The following TMEM150C variants were observed in gnomAD, a reference collection of about 807,000 sequenced individuals.
TMEM150C encodes tentonin 3.
A neutral mutation model predicts 29.9 loss-of-function variants in TMEM150C; 10 were observed. The observed-to-expected ratio is 0.33, with a 90% CI of 0.21 to 0.57. TMEM150C has a LOEUF of 0.57. TMEM150C is among the 20% of genes least tolerant of loss of function. The pLI, the probability that TMEM150C is intolerant of heterozygous loss-of-function variation, is 0.88. For missense variants in TMEM150C, 251 were observed against 303.6 expected (o/e 0.83, Z 1.29); for synonymous variants, 101 against 112.5 (o/e 0.90, Z 0.64).
chr4:82,491,749 G>A (rs1018138473), intron 6 of TMEM150C: 14 of 338,362 alleles, frequency 4.1e-5, no homozygotes, highest in Non-Finnish European at 6.9e-5. Flanking sequence ...TAATCCTCCC[G>A]CCTCGGCCTC....
intron 6 of TMEM150C, chr4:82,491,404 A>G: frequency 1.5e-6 from 1 of 650,986 alleles, no homozygotes; most frequent in Non-Finnish European, 2.7e-6. Context: ...GCACTTACAG[A>G]GGTTAATTGC....
At chr4:82,518,345 C>T (rs914979972) in intron 1 of TMEM150C, among the ~76,000 whole-genome samples, 6 of 151,880 alleles carry the variant, frequency 4.0e-5, no homozygotes, top group African/African-American at 9.7e-5. Context: ...AAGTAGTGAC[C>T]GGCATGAGCT....
intron 1 of TMEM150C, among the ~76,000 whole-genome samples, chr4:82,508,807 A>G (rs1489855581): frequency 1.3e-5 from 2 of 152,184 alleles, no homozygotes; most frequent in Non-Finnish European, 2.9e-5. Context: ...CTCTGTTGAT[A>G]TTAATCTTCC....
intron 7 of TMEM150C, 55 bp from the exon 8 acceptor site, chr4:82,485,774 C>A (rs971311759): frequency 3.4e-5 from 50 of 1,480,124 alleles, no homozygotes; most frequent in Non-Finnish European, 4.5e-5. Context: ...AAACTGGAAT[C>A]TTTTCAGGGC....
chr4:82,489,889 C>T (rs1723275387), intron 7 of TMEM150C, among the ~76,000 whole-genome samples, 172 bp downstream of exon 7: 1 of 152,124 alleles, frequency 6.6e-6, no homozygotes, highest in Admixed American at 6.5e-5. Flanking sequence ...CTCCATCTCC[C>T]CTTTGGCATG....
chr4:82,533,261 C>T (rs79723925), intron 1 of TMEM150C, among the ~76,000 whole-genome samples: 119 of 152,286 alleles, frequency 7.8e-4, no homozygotes, highest in Non-Finnish European at 1.5e-3. Context: ...GTATGAGAGC[C>T]ATGAATTTAT....
At position 82,485,514 on chromosome 4, in the gene TMEM150C, C is replaced by T. The variant is rs1406537748; in HGVS notation, c.747G>A (p.Val249=). ...CCAGCAAGGAAAAACTGATGGTTTA[C>T]ACCTGGTCAGTCTGATATTCAGAAG... The part of the protein sequence containing the change: ...SEASEYQTDQ[V] Residue 249 remains valine, a synonymous_variant, in exon 8 of 8, where the codon GTG becomes GTA. Coordinates refer to ENST00000449862, the MANE Select transcript of TMEM150C (RefSeq NM_001080506.3). 4 of 1,594,422 alleles carry T rather than the reference C, an allele frequency of 2.5e-6. No individual in the cohort carries two copies. The highest frequency in any genetic ancestry group is 1.8e-5 in the Admixed American group (1 of 56,642).
intron 1 of TMEM150C, among the ~76,000 whole-genome samples, chr4:82,541,930 A>G (rs1263795227): frequency 6.6e-6 from 1 of 152,184 alleles, no homozygotes; most frequent in Admixed American, 6.5e-5. Context: ...TTTACTGCAT[A>G]TGGTCTGGAC....
intron 1 of TMEM150C, among the ~76,000 whole-genome samples, chr4:82,546,924 G>C (rs1365128675): frequency 6.6e-6 from 1 of 152,026 alleles, no homozygotes; most frequent in East Asian, 1.9e-4. Context: ...TAAATGTAAG[G>C]TTTCAAACTA....
intron 1 of TMEM150C, among the ~76,000 whole-genome samples, chr4:82,512,626 A>C (rs1488189714): frequency 6.6e-6 from 1 of 152,180 alleles, no homozygotes; most frequent in African/African-American, 2.4e-5. Flanking sequence ...AGAGGAGTAT[A>C]CTATTTAGCA....
chr4:82,546,629 C>G (rs1273315045), intron 1 of TMEM150C, among the ~76,000 whole-genome samples: 1 of 152,000 alleles, frequency 6.6e-6, no homozygotes, highest in Non-Finnish European at 1.5e-5. Context: ...GAGATCGAGA[C>G]CATCTTGGCT....
chr4:82,524,134 G>T (rs1724578579), intron 1 of TMEM150C, among the ~76,000 whole-genome samples: 1 of 151,422 alleles, frequency 6.6e-6, no homozygotes, highest in Admixed American at 6.6e-5. Context: ...AGGGCGTGGT[G>T]GTGGGTGCCT....
intron 7 of TMEM150C, among the ~76,000 whole-genome samples, chr4:82,488,544 C>G (rs533640393): frequency 6.6e-6 from 1 of 152,084 alleles, no homozygotes; most frequent in Non-Finnish European, 1.5e-5. Flanking sequence ...CCTTTAGGAA[C>G]CTTGATTCCT....
chr4:82,541,004 T>C (rs1185349096), intron 1 of TMEM150C, among the ~76,000 whole-genome samples: 1 of 152,158 alleles, frequency 6.6e-6, no homozygotes, highest in African/African-American at 2.4e-5. Context: ...ATTTATTTAA[T>C]CACAGTGCAC....
intron 1 of TMEM150C, among the ~76,000 whole-genome samples, chr4:82,517,848 C>T (rs1208325590): frequency 1.3e-5 from 2 of 152,194 alleles, no homozygotes; most frequent in East Asian, 3.8e-4. Context: ...CCTATTGGTT[C>T]TGTTTCTCTG....
intron 7 of TMEM150C, among the ~76,000 whole-genome samples, chr4:82,488,963 T>C (rs1434778595): frequency 1.3e-5 from 2 of 151,342 alleles, no homozygotes; most frequent in Non-Finnish European, 2.9e-5. Context: ...CGATCTTAGC[T>C]CGCTGCAGCC....
At chr4:82,513,148 C>T (rs368723086) in intron 1 of TMEM150C, among the ~76,000 whole-genome samples, 1 of 152,224 alleles carries the variant, frequency 6.6e-6, no homozygotes, top group African/African-American at 2.4e-5. Flanking sequence ...GATGGGAAGA[C>T]ACTTCCCAGC....
At position 82,507,727 on chromosome 4, in the gene TMEM150C, C is replaced by CTTTT. The variant is rs869112887; in HGVS notation, c.-10-3064_-10-3061dup. On this transcript the variant is annotated intron_variant, in intron 1 of 7. Transcript: ENST00000449862. Reference sequence around the variant, plus strand: ...TTAAATTAACTCTCTCTCTCTCTCTCTTTTTTTTTTTTTTTTTTTTTTTTT... The same window carrying CTTTT: ...TTAAATTAACTCTCTCTCTCTCTCTCTTTTTTTTTTTTTTTTTTTTTTTTTTTTT... Among the ~76,000 whole-genome samples, 34 of 20,574 alleles carry CTTTT rather than the reference C, an allele frequency of 1.7e-3. 4 individuals are homozygous for CTTTT. The highest frequency in any genetic ancestry group is 4.4e-3 in the East Asian group (2 of 456). The allele number at this position is 20,574 out of a possible 152,430, so 13.5% of individuals were successfully genotyped here. A position where few individuals can be genotyped will look rare whatever the true frequency, so the allele number is the denominator to read the frequency against.
intron 1 of TMEM150C, among the ~76,000 whole-genome samples, chr4:82,550,585 G>A (rs188831913): frequency 2.6e-5 from 4 of 152,164 alleles, no homozygotes; most frequent in Admixed American, 1.3e-4. Context: ...CGGATCACGA[G>A]GTCAGGAGAT....
Sources: allele counts gnomAD v4.1 joint callset (sites outside exome capture counted in the v4.1 genomes callset), GRCh38; gene constraint gnomAD v4.1.1; transcripts MANE v1.5; gene names NCBI Gene and HGNC (gene_info 2026-07-23, HGNC 2026-07-21).